SPAG16: variants seen among roughly 807,000 people sequenced by gnomAD.
SPAG16 encodes sperm associated antigen 16.
SPAG16 carries 86 observed loss-of-function variants against 80.4 expected under a neutral mutation model. That is an observed-to-expected ratio of 1.07 (90% CI 0.90 to 1.28). The LOEUF is 1.28. Ranked by LOEUF, SPAG16 falls within the 50% of genes most tolerant of loss-of-function variation. The pLI is 0.00. For missense variants in SPAG16, 870 were observed against 765.3 expected (o/e 1.14, Z -1.61); for synonymous variants, 294 against 265.9 (o/e 1.11, Z -1.03).
rs534993770 is a variant in SPAG16, at chr2:213,364,119, A to G, written c.806A>G (p.His269Arg). Residue 269 changes from histidine to arginine, a missense_variant, in exon 8 of 16, where the codon CAT (histidine) becomes CGT (arginine). His to Arg is a conservative substitution (Grantham distance 29). Transcript: ENST00000331683. The stretch of plus-strand genomic sequence containing the variant: ...ACATTGAAGAAACTGCAAAGAGGAC[A>G]TAGTTACCATGGTCCTCAAATTAAA... ...QETLKKLQRGHSYHGPQIKVD... is the reference protein window; with the variant it reads ...QETLKKLQRGRSYHGPQIKVD... 2 of 1,526,318 alleles carry G rather than the reference A, an allele frequency of 1.3e-6. No individual in the cohort carries two copies. Among genetic ancestry groups the G allele is most frequent in the East Asian group, 2.4e-5 (1 of 41,716 alleles). The allele number at this position is 1,526,318 out of a possible 1,614,324, so 94.5% of individuals were successfully genotyped here.
At chr2:213,866,651 T>C (rs967153998) in intron 11 of SPAG16, among the ~76,000 whole-genome samples, 3 of 151,796 alleles carry the variant, frequency 2.0e-5, no homozygotes, top group African/African-American at 7.3e-5. Context: ...GCTTAATGAG[T>C]CAAAAGCAGA....
At chr2:213,801,335 G>A (rs2071385658) in intron 10 of SPAG16, among the ~76,000 whole-genome samples, 3 of 152,098 alleles carry the variant, frequency 2.0e-5, no homozygotes, top group Admixed American at 1.3e-4. Context: ...TGTATTCCTT[G>A]GCAATACAAA....
intron 15 of SPAG16, among the ~76,000 whole-genome samples, chr2:214,383,717 TG>T (rs1225937121): frequency 1.3e-5 from 2 of 151,948 alleles, no homozygotes; most frequent in Non-Finnish European, 2.9e-5. Context: ...GGGAGTTGGG[TG>T]AGGGCAAGTG....
chr2:214,286,480 C>T (rs1693375825), intron 15 of SPAG16, among the ~76,000 whole-genome samples: 1 of 152,136 alleles, frequency 6.6e-6, no homozygotes, highest in Admixed American at 6.5e-5. Flanking sequence ...GGCGTGGTGG[C>T]TCACACCTAT....
intron 10 of SPAG16, among the ~76,000 whole-genome samples, chr2:213,732,680 A>T (rs1263390502): frequency 6.6e-6 from 1 of 152,172 alleles, no homozygotes; most frequent in Non-Finnish European, 1.5e-5. Context: ...CATTTTCACA[A>T]TATCAACTCT....
At chr2:213,424,755 C>T (rs2069804991) in intron 9 of SPAG16, among the ~76,000 whole-genome samples, 1 of 152,162 alleles carries the variant, frequency 6.6e-6, no homozygotes, top group African/African-American at 2.4e-5. Context: ...TAAAGATACC[C>T]TTTTACAATT....
intron 10 of SPAG16, among the ~76,000 whole-genome samples, chr2:213,635,967 T>C (rs1160280589): frequency 6.6e-6 from 1 of 152,238 alleles, no homozygotes; most frequent in Non-Finnish European, 1.5e-5. Context: ...GTACCGTCTA[T>C]TTGTCTTTCC....
At chr2:213,970,813 G>A (rs2045005617) in intron 12 of SPAG16, among the ~76,000 whole-genome samples, 1 of 152,108 alleles carries the variant, frequency 6.6e-6, no homozygotes, top group East Asian at 1.9e-4. Flanking sequence ...AAAATGTATG[G>A]AGTGAATATT....
At chr2:213,424,993 A>T (rs1240050388) in intron 9 of SPAG16, among the ~76,000 whole-genome samples, 1 of 152,202 alleles carries the variant, frequency 6.6e-6, no homozygotes, top group East Asian at 1.9e-4. Flanking sequence ...TTTTGTCAGG[A>T]ATAAGGGATA....
At chr2:214,154,589 C>A (rs16851541) in intron 15 of SPAG16, among the ~76,000 whole-genome samples, 3,073 of 146,832 alleles carry the variant, frequency 0.021, 130 homozygotes, top group African/African-American at 0.073. Context: ...GAAAAATCTA[C>A]AGTTCATCAT....
chr2:213,609,313 G>T (rs1444251179), intron 10 of SPAG16, among the ~76,000 whole-genome samples: 1 of 151,066 alleles, frequency 6.6e-6, no homozygotes, highest in African/African-American at 2.5e-5. Context: ...TGGCTAAATT[G>T]TCTTTGCTTT....
At chr2:213,995,456 T>C (rs1038688462) in intron 12 of SPAG16, among the ~76,000 whole-genome samples, 2 of 152,230 alleles carry the variant, frequency 1.3e-5, no homozygotes, top group Non-Finnish European at 2.9e-5. Context: ...TTTAAATATG[T>C]GATGAATACA....
At chr2:213,921,534 A>G (rs950417167) in intron 11 of SPAG16, among the ~76,000 whole-genome samples, 2 of 152,136 alleles carry the variant, frequency 1.3e-5, no homozygotes, top group Non-Finnish European at 1.5e-5. Context: ...GTTTACATTC[A>G]AGGTTACTAT....
intron 10 of SPAG16, among the ~76,000 whole-genome samples, chr2:213,521,189 G>GA (rs1236663395): frequency 2.6e-5 from 4 of 152,156 alleles, no homozygotes; most frequent in Non-Finnish European, 4.4e-5. Flanking sequence ...CTGGTTGGTG[G>GA]ATGTTTTCTG....
chr2:213,724,210 A>G (rs1467679226), intron 10 of SPAG16, among the ~76,000 whole-genome samples: 1 of 152,222 alleles, frequency 6.6e-6, no homozygotes, highest in Non-Finnish European at 1.5e-5. Context: ...GAAGAGTTTA[A>G]GGGTGAATAA....
chr2:213,502,195 G>T (rs1440245263), intron 10 of SPAG16, among the ~76,000 whole-genome samples: 1 of 152,100 alleles, frequency 6.6e-6, no homozygotes, highest in Non-Finnish European at 1.5e-5. Context: ...GCATGAAGAG[G>T]GCTCAGTGCA....
At chr2:213,354,073 C>A (rs1250055730) in intron 7 of SPAG16, among the ~76,000 whole-genome samples, 1 of 152,124 alleles carries the variant, frequency 6.6e-6, no homozygotes, top group African/African-American at 2.4e-5. Flanking sequence ...GTGTGACGCT[C>A]CCTGCCCTGT....
intron 15 of SPAG16, among the ~76,000 whole-genome samples, chr2:214,191,727 GAAAAA>G (rs367694225): frequency 8.6e-6 from 1 of 115,818 alleles, no homozygotes; most frequent in Non-Finnish European, 1.8e-5. Context: ...AAAAAAAAAA[GAAAAA>G]AAAAAAAAAA....
chr2:213,876,274 C>G (rs1385933841), intron 11 of SPAG16, among the ~76,000 whole-genome samples: 2 of 112,302 alleles, frequency 1.8e-5, no homozygotes, highest in African/African-American at 7.1e-5. Context: ...CATAAGGGGA[C>G]AGAAAATCTG....
Sources: allele counts gnomAD v4.1 joint callset (sites outside exome capture counted in the v4.1 genomes callset), GRCh38; gene constraint gnomAD v4.1.1; transcripts MANE v1.5; gene names NCBI Gene and HGNC (gene_info 2026-07-23, HGNC 2026-07-21).